The following ALPK1 variants were observed in gnomAD, a reference collection of about 807,000 sequenced individuals.
The protein encoded by ALPK1 is alpha-protein kinase 1.
In ALPK1, 110 loss-of-function variants were observed where a neutral mutation model predicts 120.6. That is an observed-to-expected ratio of 0.91 (90% CI 0.78 to 1.07). ALPK1 has a LOEUF of 1.07. Among genes scored for constraint, ALPK1 ranks in the 50% least tolerant of loss-of-function variants. ALPK1 has a pLI of 0.00. For synonymous variants in ALPK1, 582 were observed against 560.3 expected (o/e 1.04, Z -0.55); for missense variants, 1,498 against 1,483.9 (o/e 1.01, Z -0.16).
chr4:112,358,409 G>A lies in ALPK1; in HGVS notation c.-100-19269G>A. 9.4e-6 allele frequency: 6 copies of A among 635,906 alleles called. No individual in the cohort carries two copies. In the South Asian group the frequency reaches 1.1e-4, roughly 11 times the overall value. 39.4% of individuals were successfully genotyped at this position (635,906 alleles called of 1,614,324 possible). ...CAGTTTGCGTGAGGCAGAAGATGCT[G>A]TCAGGGTGACTAAGTCAACTGGCCC... On this transcript the variant is annotated intron_variant, in intron 2 of 15. Transcript: ENST00000650871.
intron 2 of ALPK1, among the ~76,000 whole-genome samples, chr4:112,350,048 C>A (rs150188196): frequency 1.3e-5 from 2 of 152,260 alleles, no homozygotes; most frequent in East Asian, 1.9e-4. Context: ...ATCTAGGAAG[C>A]CTCACTGCAA....
In ALPK1 at chr4:112,415,979, C is replaced by T. The variant is rs143444996; in HGVS notation, c.475+3954C>T. 8.1e-3 allele frequency among the ~76,000 whole-genome samples: 1,236 copies of T among 152,302 alleles called. 6 individuals are homozygous for T. Among genetic ancestry groups the T allele is most frequent in the Non-Finnish European group, 0.012 (827 of 68,026 alleles). Reference sequence around the variant, plus strand: ...ATTATCATCAGCTTCAAGAGTTATACAATTATTTTGGCAAATCATAATAAA... The same window carrying T: ...ATTATCATCAGCTTCAAGAGTTATATAATTATTTTGGCAAATCATAATAAA... On this transcript the variant is annotated intron_variant, in intron 5 of 15. Transcript: ENST00000650871.
At chr4:112,429,055 A>G in intron 9 of ALPK1, 94 bp from the exon 10 acceptor site, 3 of 1,138,686 alleles carry the variant, frequency 2.6e-6, no homozygotes, top group South Asian at 1.2e-5. Context: ...GTCCCTTGAA[A>G]TCATGAAAGA....
At chr4:112,311,690 C>T (rs150718823) in intron 1 of ALPK1, among the ~76,000 whole-genome samples, 1,660 of 152,288 alleles carry the variant, frequency 0.011, 15 homozygotes, top group East Asian at 0.046. Context: ...AGCCTTACCC[C>T]ACTCCCTCCT....
chr4:112,359,752 T>A (rs1420189700), intron 2 of ALPK1: 2 of 381,758 alleles, frequency 5.2e-6, no homozygotes, highest in African/African-American at 4.3e-5. Context: ...CTCTAGGACG[T>A]GCCCAACCTG....
chr4:112,411,278 A>G (rs1733442272), intron 4 of ALPK1, among the ~76,000 whole-genome samples: 1 of 152,198 alleles, frequency 6.6e-6, no homozygotes, highest in South Asian at 2.1e-4. Flanking sequence ...AGGCTGGAGT[A>G]CAGTGGCTGG....
intron 4 of ALPK1, among the ~76,000 whole-genome samples, chr4:112,398,340 G>A (rs1401750070): frequency 6.6e-6 from 1 of 152,036 alleles, no homozygotes; most frequent in Non-Finnish European, 1.5e-5. Flanking sequence ...CCAGGCTGGA[G>A]CACATGTGAT....
rs34393638 is a variant in ALPK1, at chr4:112,354,676, C to T, written c.-100-23002C>T. Among the ~76,000 whole-genome samples the T allele has an allele frequency of 5.9e-3, 904 of 152,216 alleles. 12 individuals carry two copies. The highest frequency in any genetic ancestry group is 0.021 in the African/African-American group (855 of 41,518). ...AGAGATGGGGTTTCACCATGTTGTC[C>T]AGGCTGGTCTCGAACTCCTGGCCTC... On this transcript the variant is annotated intron_variant, in intron 2 of 15. Transcript: ENST00000650871.
intron 2 of ALPK1, among the ~76,000 whole-genome samples, chr4:112,329,446 A>C (rs1354504805): frequency 6.6e-6 from 1 of 152,198 alleles, no homozygotes; most frequent in Non-Finnish European, 1.5e-5. Context: ...ACCCCTGCCC[A>C]GACCCACGTA....
intron 2 of ALPK1, among the ~76,000 whole-genome samples, chr4:112,317,118 T>C (rs1728671222): frequency 6.6e-6 from 1 of 152,212 alleles, no homozygotes; most frequent in Non-Finnish European, 1.5e-5. Context: ...TTACAGTTGT[T>C]CTTTATATAC....
At chr4:112,340,120 G>C (rs952304965) in intron 2 of ALPK1, among the ~76,000 whole-genome samples, 4 of 152,216 alleles carry the variant, frequency 2.6e-5, no homozygotes, top group Admixed American at 1.3e-4. Flanking sequence ...AGAGAACTCT[G>C]TTCATCGTCT....
chr4:112,306,748 C>G (rs1261028981), intron 1 of ALPK1, among the ~76,000 whole-genome samples: 1 of 151,990 alleles, frequency 6.6e-6, no homozygotes, highest in Admixed American at 6.6e-5. Flanking sequence ...GTCTCTATCT[C>G]CTTTAGTTCT....
chr4:112,330,444 A>G (rs889585786), intron 2 of ALPK1, among the ~76,000 whole-genome samples: 5 of 152,212 alleles, frequency 3.3e-5, no homozygotes, highest in African/African-American at 1.2e-4. Flanking sequence ...AAATGGGTTA[A>G]GGTATGAACA....
At chr4:112,372,704 T>A (rs1336457465) in intron 2 of ALPK1, among the ~76,000 whole-genome samples, 1 of 152,148 alleles carries the variant, frequency 6.6e-6, no homozygotes, top group Non-Finnish European at 1.5e-5. Flanking sequence ...CACCGTGACA[T>A]CCCATAGATC....
intron 4 of ALPK1, among the ~76,000 whole-genome samples, chr4:112,407,604 T>G (rs1733243930): frequency 6.6e-6 from 1 of 152,238 alleles, no homozygotes; most frequent in Non-Finnish European, 1.5e-5. Context: ...CAGCTTCCTT[T>G]TCTCGTTTAG....
chr4:112,411,373 T>TGCC (rs1560675794), intron 4 of ALPK1, among the ~76,000 whole-genome samples: 1 of 152,100 alleles, frequency 6.6e-6, no homozygotes, highest in African/African-American at 2.4e-5. Context: ...TACAGGCGCA[T>TGCC]GCCACCACAC....
At chr4:112,423,733 C>A in intron 5 of ALPK1, 1 of 684,316 alleles carries the variant, frequency 1.5e-6, no homozygotes, top group Non-Finnish European at 2.7e-6. Flanking sequence ...CAGATACTGT[C>A]CAACTTCCCA....
intron 4 of ALPK1, among the ~76,000 whole-genome samples, chr4:112,388,725 A>G (rs1012912849): frequency 2.0e-5 from 3 of 152,202 alleles, no homozygotes; most frequent in Admixed American, 6.5e-5. Flanking sequence ...AGAACACTCA[A>G]AGAAGTGCAG....
In ALPK1 at chr4:112,425,638, C is replaced by CTCTGATAA. The variant is rs762910530; in HGVS notation, c.536-27_536-26insTCTGATAA. ...TTGCAAGGCTATATCTCTGATAATT[C>CTCTGATAA]AAGGGAATTTTCATCTTTTCTTTTA... On this transcript the variant is annotated intron_variant, in intron 6 of 15. Coordinates refer to ENST00000650871, the MANE Select transcript of ALPK1 (RefSeq NM_025144.4). The CTCTGATAA allele has an allele frequency of 1.3e-5, 21 of 1,591,834 alleles. No homozygotes were observed. The African/African-American group carries it at 2.8e-4, about 21-fold the overall frequency.
Sources: allele counts gnomAD v4.1 joint callset (sites outside exome capture counted in the v4.1 genomes callset), GRCh38; gene constraint gnomAD v4.1.1; transcripts MANE v1.5; gene names NCBI Gene and HGNC (gene_info 2026-07-23, HGNC 2026-07-21).